RBFOX1: variants seen among roughly 807,000 people sequenced by gnomAD.
RBFOX1 encodes the protein RNA binding protein fox-1 homolog 1.
In RBFOX1, 8 loss-of-function variants were observed where a neutral mutation model predicts 57.7. The ratio of observed to expected loss-of-function variants is 0.14; its 90% confidence interval spans 0.08 to 0.25. The LOEUF (loss-of-function observed/expected upper bound fraction) is 0.25. Ranked by LOEUF, RBFOX1 falls within the 10% of genes least tolerant of loss-of-function variation. RBFOX1 has a pLI of 1.00. For synonymous variants in RBFOX1, 326 were observed against 222.4 expected (o/e 1.47, Z -4.15); for missense variants, 611 against 548.5 (o/e 1.11, Z -1.14).
intron 3 of RBFOX1, among the ~76,000 whole-genome samples, chr16:6,965,153 T>C (rs1444019024): frequency 6.6e-6 from 1 of 152,152 alleles, no homozygotes; most frequent in Non-Finnish European, 1.5e-5. Flanking sequence ...AGGGCAACTG[T>C]ACTGCTGCAG....
At chr16:5,534,156 G>A (rs1416128411) in intron 2 of RBFOX1, among the ~76,000 whole-genome samples, 4 of 152,130 alleles carry the variant, frequency 2.6e-5, no homozygotes, top group Non-Finnish European at 5.9e-5. Flanking sequence ...TGCCTAGGGT[G>A]TCATAGGTGC....
At chr16:6,238,464 A>G (rs1220792518) in intron 1 of RBFOX1, among the ~76,000 whole-genome samples, 1 of 152,210 alleles carries the variant, frequency 6.6e-6, no homozygotes, top group Non-Finnish European at 1.5e-5. Context: ...GGAAATTGCC[A>G]GAAGACAAAA....
At chr16:6,501,673 C>A (rs543822335) in intron 2 of RBFOX1, among the ~76,000 whole-genome samples, 2 of 152,230 alleles carry the variant, frequency 1.3e-5, no homozygotes, top group East Asian at 3.9e-4. Context: ...GGCTCCTTCT[C>A]CTGACGTTTC....
At chr16:7,394,502 C>G (rs112301859) in intron 4 of RBFOX1, among the ~76,000 whole-genome samples, 18 of 152,070 alleles carry the variant, frequency 1.2e-4, no homozygotes, top group African/African-American at 4.1e-4. Flanking sequence ...AACCCCCACA[C>G]CTTTAGATGC....
chr16:6,919,061 A>T (rs1241111131), intron 3 of RBFOX1, among the ~76,000 whole-genome samples: 2 of 151,866 alleles, frequency 1.3e-5, no homozygotes, highest in Non-Finnish European at 2.9e-5. Flanking sequence ...GCTCACTGCA[A>T]CCTCCGTTCT....
At chr16:6,267,585 A>C (rs940737270) in intron 1 of RBFOX1, among the ~76,000 whole-genome samples, 1 of 152,142 alleles carries the variant, frequency 6.6e-6, no homozygotes, top group Non-Finnish European at 1.5e-5. Context: ...TTCTTTTTTT[A>C]CCATAAGTTT....
In RBFOX1 at chr16:5,599,169, C is replaced by A. The variant is rs2047283748; in HGVS notation, c.526C>A (p.His176Asn). The change falls in exon 3 of 3, where the codon CAT becomes AAT. Residue 176 changes from histidine (H) to asparagine (N), a missense_variant. By Grantham distance (68) the His-to-Asn change is moderately conservative. Coordinates refer to the RBFOX1 transcript ENST00000585867. Reference sequence around the variant, plus strand: ...TGGGCCGTATTCCCAGCCTCTGGTACATGGTGTGAGAGCTGTATTCTGTCC... The same window carrying A: ...TGGGCCGTATTCCCAGCCTCTGGTAAATGGTGTGAGAGCTGTATTCTGTCC... 3 of 706,668 alleles carry A rather than the reference C, an allele frequency of 4.2e-6. No homozygotes were observed. The African/African-American group carries it at 5.2e-5, about 12-fold the overall frequency. The allele number at this position is 706,668 out of a possible 1,614,324, so 43.8% of individuals were successfully genotyped here.
At chr16:6,639,884 C>CA (rs1305729835) in intron 2 of RBFOX1, among the ~76,000 whole-genome samples, 1 of 151,598 alleles carries the variant, frequency 6.6e-6, no homozygotes, top group African/African-American at 2.4e-5. Context: ...GTCTCAAAAA[C>CA]AAAAAACAAA....
chr16:6,571,426 C>CACT (rs2097343223), intron 2 of RBFOX1, among the ~76,000 whole-genome samples: 1 of 152,160 alleles, frequency 6.6e-6, no homozygotes, highest in Non-Finnish European at 1.5e-5. Context: ...ATGGCAGAGA[C>CACT]CCAGTGCTCG....
At chr16:6,528,763 A>G (rs1396978343) in intron 2 of RBFOX1, among the ~76,000 whole-genome samples, 3 of 152,128 alleles carry the variant, frequency 2.0e-5, no homozygotes, top group East Asian at 1.9e-4. Flanking sequence ...TGTACACTCT[A>G]CGATGGTTAG....
chr16:6,583,427 A>T (rs1310920851), intron 2 of RBFOX1, among the ~76,000 whole-genome samples: 1 of 152,236 alleles, frequency 6.6e-6, no homozygotes, highest in Non-Finnish European at 1.5e-5. Flanking sequence ...AACAACTGCA[A>T]TGTTAAGTTT....
intron 3 of RBFOX1, among the ~76,000 whole-genome samples, chr16:5,765,664 G>A (rs1230852934): frequency 1.3e-5 from 2 of 152,152 alleles, no homozygotes; most frequent in African/African-American, 2.4e-5. Flanking sequence ...CAATTCAACC[G>A]AAAATGGCAG....
chr16:7,016,452 A>G (rs1232085935), intron 3 of RBFOX1, among the ~76,000 whole-genome samples: 3 of 152,158 alleles, frequency 2.0e-5, no homozygotes, highest in Non-Finnish European at 4.4e-5. Flanking sequence ...CATGTTTCTC[A>G]CTTGTTTCGG....
At chr16:6,573,915 G>T (rs904401611) in intron 2 of RBFOX1, 1 of 152,182 alleles carries the variant, frequency 6.6e-6, no homozygotes, top group Non-Finnish European at 1.5e-5. Context: ...ACAGTCAGAG[G>T]AAGACAGGCA....
At chr16:5,676,677 G>A (rs937211673) in intron 3 of RBFOX1, among the ~76,000 whole-genome samples, 2 of 152,162 alleles carry the variant, frequency 1.3e-5, no homozygotes, top group African/African-American at 4.8e-5. Flanking sequence ...CCTGGCCAAT[G>A]TGACAAAACC....
chr16:5,292,966 G>A (rs1310048297), intron 1 of RBFOX1, among the ~76,000 whole-genome samples: 1 of 151,990 alleles, frequency 6.6e-6, no homozygotes, highest in African/African-American at 2.4e-5. Flanking sequence ...TTAACTCCGG[G>A]GTGTCCCACT....
intron 4 of RBFOX1, among the ~76,000 whole-genome samples, chr16:7,125,001 G>C (rs570300208): frequency 6.6e-6 from 1 of 152,286 alleles, no homozygotes; most frequent in African/African-American, 2.4e-5. Context: ...CTGAGAGGTA[G>C]ACATTTACAT....
intron 4 of RBFOX1, among the ~76,000 whole-genome samples, chr16:7,405,125 A>C (rs979199251): frequency 6.6e-6 from 1 of 152,218 alleles, no homozygotes. Context: ...GGCCCATCCT[A>C]GAGAAAAATC....
chr16:5,334,174 T>C (rs1006133605), intron 1 of RBFOX1, among the ~76,000 whole-genome samples: 1 of 152,166 alleles, frequency 6.6e-6, no homozygotes, highest in Non-Finnish European at 1.5e-5. Context: ...GGAATGTGTC[T>C]GGTCAGAGGG....
Sources: gnomAD v4.1 joint callset for allele counts (sites outside exome capture counted in the v4.1 genomes callset) on GRCh38, gnomAD v4.1.1 for gene constraint, MANE v1.5 for transcripts, NCBI Gene and HGNC (gene_info 2026-07-23, HGNC 2026-07-21) for gene names.